The following ANK2 variants were observed in gnomAD, a reference collection of about 807,000 sequenced individuals.
ANK2 encodes the protein ankyrin-2.
A neutral mutation model predicts 360.5 loss-of-function variants in ANK2; 83 were observed. The ratio of observed to expected loss-of-function variants is 0.23; its 90% confidence interval spans 0.19 to 0.28. The LOEUF (loss-of-function observed/expected upper bound fraction) is 0.28. ANK2 is among the 10% of genes least tolerant of loss of function. The probability of loss-of-function intolerance (pLI) is 1.00; values close to 1 mark genes in which losing one functional copy is unlikely to be tolerated. For synonymous variants in ANK2, 1,740 were observed against 1,759.5 expected (o/e 0.99, Z 0.28); for missense variants, 4,201 against 4,795.7 (o/e 0.88, Z 3.66).
chr4:113,022,156 A>C (rs1286868779), intron 2 of ANK2, among the ~76,000 whole-genome samples: 1 of 152,224 alleles, frequency 6.6e-6, no homozygotes, highest in African/African-American at 2.4e-5. Flanking sequence ...CAATTTGTCC[A>C]ATTAGTGTTG....
At chr4:112,717,890 A>C in the ANK2 span, among the ~76,000 whole-genome samples, 1 of 152,358 alleles carries the variant, frequency 6.6e-6, no homozygotes, top group African/African-American at 2.4e-5. Flanking sequence ...CCAACTTAGA[A>C]AATCTTATCT....
intron 1 of ANK2, among the ~76,000 whole-genome samples, chr4:113,054,595 T>C (rs762069851): frequency 1.6e-4 from 24 of 152,234 alleles, no homozygotes; most frequent in Non-Finnish European, 3.1e-4. Flanking sequence ...TTCACTGATA[T>C]CTAGACAGGC....
At chr4:113,299,412 A>G (rs1256835839) in intron 22 of ANK2, among the ~76,000 whole-genome samples, 2 of 152,204 alleles carry the variant, frequency 1.3e-5, no homozygotes, top group Non-Finnish European at 2.9e-5. Flanking sequence ...ATTCCCAAAA[A>G]GTTGAATAAA....
chr4:113,266,659 C>T (rs966730221), intron 14 of ANK2, among the ~76,000 whole-genome samples: 2 of 152,208 alleles, frequency 1.3e-5, no homozygotes, highest in African/African-American at 4.8e-5. Flanking sequence ...GAGCAGATCA[C>T]CTGAGGTTGG....
chr4:113,062,929 A>G (rs1466314854), intron 1 of ANK2, among the ~76,000 whole-genome samples: 2 of 152,120 alleles, frequency 1.3e-5, no homozygotes, highest in African/African-American at 4.8e-5. Flanking sequence ...GCCTATCATG[A>G]TGACAAGGAA....
intron 1 of ANK2, among the ~76,000 whole-genome samples, chr4:113,112,611 C>T (rs1296370087): frequency 6.6e-6 from 1 of 152,180 alleles, no homozygotes; most frequent in Non-Finnish European, 1.5e-5. Context: ...ATGACCTACA[C>T]TTTCTGCAGC....
At chr4:113,288,670 A>T (rs1001265613) in intron 20 of ANK2, among the ~76,000 whole-genome samples, 184 bp downstream of exon 20, 1 of 152,210 alleles carries the variant, frequency 6.6e-6, no homozygotes, top group African/African-American at 2.4e-5. Context: ...TTTGACATCC[A>T]TGAAGGTTAG....
At chr4:113,187,931 A>G (rs1007047742) in intron 2 of ANK2, among the ~76,000 whole-genome samples, 4 of 152,202 alleles carry the variant, frequency 2.6e-5, no homozygotes, top group Admixed American at 2.6e-4. Flanking sequence ...AGTTTATTGC[A>G]TGCCTATTAC....
chr4:113,098,380 C>T lies in ANK2; in HGVS notation c.84+48568C>T, dbSNP rs547885004. ...CAGAAATCAAAGAGGGATGGATCATCACCGTTGATTCCATGGATATTAAAA... is the reference window on the plus strand; with the variant it reads ...CAGAAATCAAAGAGGGATGGATCATTACCGTTGATTCCATGGATATTAAAA... On this transcript the variant is annotated intron_variant, in intron 1 of 45. Coordinates refer to ENST00000357077, the MANE Select transcript of ANK2 (RefSeq NM_001148.6). Among the ~76,000 whole-genome samples, 13 of 152,058 alleles carry T rather than the reference C, an allele frequency of 8.5e-5. 1 individual carries two copies. The highest frequency in any genetic ancestry group is 8.3e-4 in the South Asian group (4 of 4,822).
intron 17 of ANK2, among the ~76,000 whole-genome samples, chr4:113,279,396 T>G (rs1004461572): frequency 6.6e-5 from 10 of 152,150 alleles, no homozygotes; most frequent in Non-Finnish European, 1.5e-4. Flanking sequence ...ACTGGTATTC[T>G]AATGATCTCC....
the ANK2 span, among the ~76,000 whole-genome samples, chr4:112,784,247 C>T: frequency 2.3e-4 from 35 of 150,974 alleles, no homozygotes; most frequent in Admixed American, 2.1e-3. Context: ...TACAGTGGTG[C>T]GATCATGGCT....
intron 1 of ANK2, among the ~76,000 whole-genome samples, chr4:113,130,454 TATA>T (rs1260687922): frequency 6.6e-6 from 1 of 152,238 alleles, no homozygotes; most frequent in Non-Finnish European, 1.5e-5. Context: ...TAGTCAAATG[TATA>T]ATGATACTGC....
chr4:112,758,149 G>A, the ANK2 span, among the ~76,000 whole-genome samples: 1 of 151,804 alleles, frequency 6.6e-6, no homozygotes, highest in East Asian at 1.9e-4. Flanking sequence ...TGATCCGCCC[G>A]CCTCGGCCTC....
At chr4:112,849,731 T>C (rs958075169) in intron 1 of ANK2, among the ~76,000 whole-genome samples, 1 of 152,240 alleles carries the variant, frequency 6.6e-6, no homozygotes, top group Non-Finnish European at 1.5e-5. Flanking sequence ...CTAATCCTTA[T>C]ACAGATTTGA....
At chr4:113,172,077 A>C (rs1447227102) in intron 1 of ANK2, among the ~76,000 whole-genome samples, 4 of 152,186 alleles carry the variant, frequency 2.6e-5, no homozygotes, top group Non-Finnish European at 4.4e-5. Context: ...CTTAATGCAA[A>C]GCATCCTTTA....
chr4:112,756,908 G>A, the ANK2 span, among the ~76,000 whole-genome samples: 5 of 152,002 alleles, frequency 3.3e-5, no homozygotes, highest in Non-Finnish European at 5.9e-5. Context: ...GGGAGGCAGA[G>A]GTTGCAGTGA....
In ANK2 at chr4:113,353,969, G is replaced by A. The variant is rs777085522; in HGVS notation, c.5351G>A (p.Arg1784Gln). The change falls in exon 38 of 46, where the codon CGA (arginine) becomes CAA (glutamine). Residue 1784 changes from arginine (R) to glutamine (Q), a missense_variant. By Grantham distance (43) the Arg-to-Gln change is conservative (BLOSUM62 1). Coordinates refer to ENST00000357077, the MANE Select transcript of ANK2 (RefSeq NM_001148.6). ...CGAGTGGAAGATGAACAGAAAGGTC[G>A]AAGCAAGTTGCCCATCAGAGTCAAA... ...QKRVEDEQKGRSKLPIRVKGK... is the reference protein window; with the variant it reads ...QKRVEDEQKGQSKLPIRVKGK... The A allele has an allele frequency of 4.3e-6, 7 of 1,613,870 alleles. No homozygotes were observed. Among genetic ancestry groups the A allele is most frequent in the South Asian group, 2.2e-5 (2 of 91,076 alleles).
chr4:113,093,635 C>T (rs1469529970), intron 1 of ANK2, among the ~76,000 whole-genome samples: 1 of 152,164 alleles, frequency 6.6e-6, no homozygotes, highest in African/African-American at 2.4e-5. Flanking sequence ...CCACCACGCC[C>T]AGCTAATTTG....
intron 30 of ANK2, 171 bp from the exon 31 acceptor site, chr4:113,336,406 G>T (rs1487219012): frequency 3.0e-6 from 2 of 667,922 alleles, no homozygotes; most frequent in Non-Finnish European, 4.9e-6. Context: ...AAAATTTTAT[G>T]AGTGCTTAGT....
Sources: allele counts gnomAD v4.1 joint callset (sites outside exome capture counted in the v4.1 genomes callset), GRCh38; gene constraint gnomAD v4.1.1; transcripts MANE v1.5; gene names NCBI Gene and HGNC (gene_info 2026-07-23, HGNC 2026-07-21).